VPS13B: variants seen among roughly 807,000 people sequenced by gnomAD.
The protein encoded by VPS13B is intermembrane lipid transfer protein VPS13B.
A neutral mutation model predicts 426.4 loss-of-function variants in VPS13B; 285 were observed. The observed-to-expected ratio is 0.67, with a 90% confidence interval of 0.61 to 0.74. The LOEUF is 0.74. VPS13B is among the 30% of genes least tolerant of loss of function. VPS13B has a pLI of 0.00. For missense variants in VPS13B, 4,537 were observed against 4,782.6 expected (o/e 0.95, Z 1.51); for synonymous variants, 1,676 against 1,676.4 (o/e 1.00, Z 0.01).
At chr8:99,839,147 A>G (rs1815544626) in intron 54 of VPS13B, among the ~76,000 whole-genome samples, 1 of 152,180 alleles carries the variant, frequency 6.6e-6, no homozygotes, top group Admixed American at 6.5e-5. Context: ...AATTAAAATG[A>G]CCCCTTTGCA....
chr8:99,729,881 G>C (rs915992514), intron 39 of VPS13B, among the ~76,000 whole-genome samples: 1 of 152,118 alleles, frequency 6.6e-6, no homozygotes, highest in Non-Finnish European at 1.5e-5. Context: ...CTAGACTTTT[G>C]CTGCTTTAAA....
chr8:99,051,982 A>G (rs188663031), intron 3 of VPS13B, among the ~76,000 whole-genome samples: 2 of 152,264 alleles, frequency 1.3e-5, no homozygotes, highest in African/African-American at 4.8e-5. Context: ...ACAAACAGGG[A>G]CAATTTGACT....
intron 41 of VPS13B, among the ~76,000 whole-genome samples, chr8:99,778,138 A>G (rs1361384789): frequency 2.0e-5 from 3 of 151,898 alleles, no homozygotes; most frequent in Non-Finnish European, 4.4e-5. Context: ...AGGCTAAAGC[A>G]GGAGAATCGC....
chr8:99,767,037 C>G lies in VPS13B; in HGVS notation c.7247+67C>G, dbSNP rs1206121757. ...ACAATGATAAGTCATCTTTTCCTATCTAGTGACCCCTCACTTAACTGTATC... is the reference window on the plus strand; with the variant it reads ...ACAATGATAAGTCATCTTTTCCTATGTAGTGACCCCTCACTTAACTGTATC... On this transcript the variant is annotated intron_variant, in intron 40 of 61. Coordinates refer to ENST00000357162, the MANE Select transcript of VPS13B (RefSeq NM_152564.5). 4.1e-6 allele frequency: 6 copies of G among 1,474,000 alleles called. No individual in the cohort carries two copies. In the Admixed American group the frequency reaches 6.8e-5, roughly 17 times the overall value. The allele number at this position is 1,474,000 out of a possible 1,614,324, so 91.3% of individuals were successfully genotyped here.
chr8:99,284,114 G>T (rs1196193122), intron 19 of VPS13B, among the ~76,000 whole-genome samples: 1 of 152,038 alleles, frequency 6.6e-6, no homozygotes, highest in Non-Finnish European at 1.5e-5. Flanking sequence ...TTCTAGCTAG[G>T]ATACTAACTA....
chr8:99,699,427 A>G, intron 35 of VPS13B, 98 bp from the exon 36 acceptor site: 1 of 1,337,642 alleles, frequency 7.5e-7, no homozygotes, highest in East Asian at 2.4e-5. Flanking sequence ...CATAATATGG[A>G]TCTTGGGACA....
At chr8:99,818,974 G>GT in intron 47 of VPS13B, 86 bp downstream of exon 47, 1 of 753,908 alleles carries the variant, frequency 1.3e-6, no homozygotes, top group Non-Finnish European at 2.2e-6. Flanking sequence ...GGCGGCGGGG[G>GT]AGGGGTGGGT....
intron 23 of VPS13B, among the ~76,000 whole-genome samples, chr8:99,466,779 T>C (rs1452124256): frequency 1.3e-5 from 2 of 152,176 alleles, no homozygotes; most frequent in Non-Finnish European, 2.9e-5. Flanking sequence ...TCTAAAGTCC[T>C]AGGAACCTGT....
At chr8:99,763,135 C>CAAAAAAAAAAAAAAAAAAA (rs750289763) in intron 39 of VPS13B, among the ~76,000 whole-genome samples, 2 of 35,840 alleles carry the variant, frequency 5.6e-5, no homozygotes, top group African/African-American at 2.8e-4. Context: ...GACCTTGTCT[C>CAAAAAAAAAAAAAAAAAAA]AAAAAAAAAA....
chr8:99,742,505 T>A (rs1412876073), intron 39 of VPS13B, among the ~76,000 whole-genome samples: 1 of 152,148 alleles, frequency 6.6e-6, no homozygotes, highest in Non-Finnish European at 1.5e-5. Context: ...TACCAAAGCC[T>A]GGCAGAGACA....
At chr8:99,571,722 TC>T (rs1351185273) in intron 31 of VPS13B, among the ~76,000 whole-genome samples, 8 of 152,176 alleles carry the variant, frequency 5.3e-5, no homozygotes, top group African/African-American at 1.9e-4. Context: ...CTCACATTGG[TC>T]ATTTTATGGA....
chr8:99,356,524 T>C (rs1812191953), intron 19 of VPS13B, among the ~76,000 whole-genome samples: 1 of 152,090 alleles, frequency 6.6e-6, no homozygotes, highest in African/African-American at 2.4e-5. Flanking sequence ...GACACATGCC[T>C]GTGGTCCCAC....
At chr8:99,707,189 T>C (rs1435523189) in intron 36 of VPS13B, among the ~76,000 whole-genome samples, 1 of 152,130 alleles carries the variant, frequency 6.6e-6, no homozygotes, top group Non-Finnish European at 1.5e-5. Flanking sequence ...AGCAACATGG[T>C]GCTGTAAAGA....
At chr8:99,137,991 G>C (rs893299266) in intron 12 of VPS13B, among the ~76,000 whole-genome samples, 14 of 152,094 alleles carry the variant, frequency 9.2e-5, no homozygotes, top group African/African-American at 2.9e-4. Flanking sequence ...TCTTCTTGTT[G>C]CTCAAGCCAG....
At chr8:99,850,189 C>A (rs35446658) in intron 55 of VPS13B, among the ~76,000 whole-genome samples, 17 of 70,674 alleles carry the variant, frequency 2.4e-4, no homozygotes, top group African/African-American at 8.1e-4. Context: ...TTATACATAC[C>A]TACATAAGTA....
chr8:99,509,384 A>G (rs1218948983), intron 28 of VPS13B, among the ~76,000 whole-genome samples: 4 of 152,174 alleles, frequency 2.6e-5, no homozygotes, highest in African/African-American at 4.8e-5. Flanking sequence ...ATACTGCACA[A>G]CCATTTAATG....
chr8:99,401,685 G>A (rs1291121392), intron 21 of VPS13B, among the ~76,000 whole-genome samples: 1 of 152,154 alleles, frequency 6.6e-6, no homozygotes, highest in East Asian at 1.9e-4. Context: ...GGCCAACATG[G>A]TGAAACCCTG....
At chr8:99,269,540 C>G (rs1818467374) in intron 17 of VPS13B, among the ~76,000 whole-genome samples, 1 of 152,206 alleles carries the variant, frequency 6.6e-6, no homozygotes, top group Non-Finnish European at 1.5e-5. Context: ...GGAACAATAA[C>G]TACAGTTATT....
intron 21 of VPS13B, among the ~76,000 whole-genome samples, chr8:99,397,336 G>A (rs991025316): frequency 6.6e-5 from 10 of 152,044 alleles, no homozygotes; most frequent in Non-Finnish European, 8.8e-5. Context: ...GTAGAGACGG[G>A]GTTTCACCGT....
Sources: gnomAD v4.1 joint callset for allele counts (sites outside exome capture counted in the v4.1 genomes callset) on GRCh38, gnomAD v4.1.1 for gene constraint, MANE v1.5 for transcripts, NCBI Gene and HGNC (gene_info 2026-07-23, HGNC 2026-07-21) for gene names.